Variants in PITHD1 observed in about 807,000 individuals in gnomAD.
The protein encoded by PITHD1 is PITH domain containing 1, also known as PITH domain-containing protein 1.
A neutral mutation model predicts 27.5 loss-of-function variants in PITHD1; 8 were observed. The ratio of observed to expected loss-of-function variants is 0.29; its 90% CI spans 0.17 to 0.52. PITHD1 has a LOEUF of 0.52. PITHD1 is among the 20% of genes least tolerant of loss of function. The pLI, the probability that PITHD1 is intolerant of heterozygous loss-of-function variation, is 0.96. For synonymous variants in PITHD1, 118 were observed against 106.8 expected (o/e 1.10, Z -0.64); for missense variants, 233 against 283.9 (o/e 0.82, Z 1.29).
At chr1:23,786,448 C>A in intron 5 of PITHD1, 25 bp downstream of exon 5, 1 of 1,165,646 alleles carries the variant, frequency 8.6e-7, no homozygotes, top group Non-Finnish European at 1.3e-6. Context: ...GAAAGGTTTT[C>A]CCCTCATGTC....
Position 23,779,419 on chromosome 1 carries a change from C to G in PITHD1, c.199-19C>G, listed in dbSNP as rs376621821. 4.4e-6 allele frequency: 7 copies of G among 1,602,036 alleles called. No individual in the cohort carries two copies. The Admixed American group carries it at 6.7e-5, about 15-fold the overall frequency. ...CAAATATTTGTTGCTTTCTCCTCCCCCCTCCCCATCCCCTCCAGTTTGTTG... is the reference window on the plus strand; with the variant it reads ...CAAATATTTGTTGCTTTCTCCTCCCGCCTCCCCATCCCCTCCAGTTTGTTG... On this transcript the variant is annotated intron_variant, in intron 1 of 5. Transcript: ENST00000246151.
intron 3 of PITHD1, among the ~76,000 whole-genome samples, chr1:23,783,008 T>C (rs1638624969): frequency 6.6e-6 from 1 of 151,958 alleles, no homozygotes; most frequent in Non-Finnish European, 1.5e-5. Flanking sequence ...TATTTTATTT[T>C]ATTTTTGAGA....
At position 23,778,661 on chromosome 1, in the gene PITHD1, G is replaced by A; in HGVS notation, c.146G>A (p.Gly49Asp). The change falls in exon 1 of 6, where the codon GGC (glycine) becomes GAC (aspartate). Residue 49 changes from glycine to aspartate, a missense_variant. Gly to Asp is a moderately conservative substitution (Grantham distance 94). Transcript: ENST00000246151. ...CAATGCCTTAACGAGAGCCGCGAGG[G>A]CAGCGGCCGCGGCGTCTTCAAGCCG... ...RLQCLNESRE[G>D]SGRGVFKPWE... 7.5e-7 allele frequency: 1 copy of A among 1,326,478 alleles called. No homozygotes were observed. 82.2% of individuals were successfully genotyped at this position (1,326,478 alleles called of 1,614,324 possible). A position where few individuals can be genotyped will look rare whatever the true frequency, so the allele number is the denominator to read the frequency against.
chr1:23,783,599 A>G (rs893686207), intron 3 of PITHD1, among the ~76,000 whole-genome samples: 1 of 151,518 alleles, frequency 6.6e-6, no homozygotes, highest in Admixed American at 6.6e-5. Flanking sequence ...TTACAGGTAC[A>G]CACCACCAGG....
chr1:23,778,419 G>T lies in PITHD1; in HGVS notation c.-97G>T. On this transcript the variant is annotated 5_prime_UTR_variant, in exon 1 of 6. Transcript: ENST00000246151. ...CGACGCGGCAGGCGCGGCGCGCTTA[G>T]TTGCCGGAGCTGAACGGCGCGGAGC... is the stretch of plus-strand genomic sequence containing the variant. The T allele has an allele frequency of 1.2e-6, 1 of 808,426 alleles. No individual in the cohort carries two copies. Among genetic ancestry groups the T allele is most frequent in the Non-Finnish European group, 1.6e-6 (1 of 621,418 alleles). 50.1% of individuals were successfully genotyped at this position (808,426 alleles called of 1,614,324 possible). A position where few individuals can be genotyped will look rare whatever the true frequency, so the allele number is the denominator to read the frequency against.
intron 3 of PITHD1, among the ~76,000 whole-genome samples, chr1:23,780,313 T>G (rs1458777110): frequency 3.3e-5 from 5 of 152,206 alleles, no homozygotes; most frequent in Admixed American, 6.5e-5. Context: ...TCCTTGCTAT[T>G]TCATACAGTA....
Position 23,778,552 on chromosome 1 carries a change from C to G in PITHD1, c.37C>G (p.Arg13Gly). ...HGHSHGGGGC[R>G]CAAEREEPPE... ...TCACAGCCACGGCGGGGGTGGCTGC[C>G]GCTGCGCCGCCGAACGGGAGGAGCC... The change falls in exon 1 of 6, where the codon CGC becomes GGC. Residue 13 changes from arginine to glycine, a missense_variant. Transcript: ENST00000246151. 1 of 1,340,480 alleles carries G rather than the reference C, an allele frequency of 7.5e-7. No individual in the cohort carries two copies. Among genetic ancestry groups the G allele is most frequent in the South Asian group, 1.9e-5 (1 of 52,512 alleles). 83.0% of individuals were successfully genotyped at this position (1,340,480 alleles called of 1,614,324 possible).
intron 3 of PITHD1, among the ~76,000 whole-genome samples, chr1:23,783,292 T>A (rs1638629576): frequency 6.6e-6 from 1 of 150,788 alleles, no homozygotes; most frequent in East Asian, 1.9e-4. Context: ...TGTGTATATA[T>A]ATATGTATAT....
chr1:23,781,214 G>T (rs539728093), intron 3 of PITHD1, among the ~76,000 whole-genome samples: 11 of 152,184 alleles, frequency 7.2e-5, no homozygotes, highest in African/African-American at 2.6e-4. Context: ...TCAAATCCCA[G>T]CACTTTGGGA....
intron 3 of PITHD1, among the ~76,000 whole-genome samples, chr1:23,784,435 T>A (rs1466451693): frequency 1.3e-5 from 2 of 151,658 alleles, no homozygotes; most frequent in Non-Finnish European, 2.9e-5. Context: ...AGAGACGGGG[T>A]TTCACCGTGT....
Position 23,786,568 on chromosome 1 carries a change from C to T in PITHD1, c.534+145C>T, listed in dbSNP as rs139867636. The T allele has an allele frequency of 3.0e-3, 943 of 317,460 alleles. 8 individuals carry two copies. The highest frequency in any genetic ancestry group is 0.018 in the African/African-American group (824 of 45,742). The allele number at this position is 317,460 out of a possible 1,614,324, so 19.7% of individuals were successfully genotyped here. A position where few individuals can be genotyped will look rare whatever the true frequency, so the allele number is the denominator to read the frequency against. Reference sequence around the variant, plus strand: ...CTTGGTTTTATCAGTATAAACTTTTCGTCTCATTTGAGAAACTACAGGTAT... The same window carrying T: ...CTTGGTTTTATCAGTATAAACTTTTTGTCTCATTTGAGAAACTACAGGTAT... On this transcript the variant is annotated intron_variant, in intron 5 of 5. Coordinates refer to ENST00000246151, the MANE Select transcript of PITHD1 (RefSeq NM_020362.5).
intron 3 of PITHD1, among the ~76,000 whole-genome samples, chr1:23,782,052 A>T (rs1218042127): frequency 1.3e-5 from 2 of 152,260 alleles, no homozygotes; most frequent in Non-Finnish European, 2.9e-5. Flanking sequence ...TCATTGACAC[A>T]TCCAGAAAAA....
At chr1:23,779,795 C>T in intron 2 of PITHD1, 69 bp from the exon 3 acceptor site, 3 of 1,165,488 alleles carry the variant, frequency 2.6e-6, no homozygotes, top group Middle Eastern at 1.9e-4. Flanking sequence ...AAGGGTCTTG[C>T]CCAGGGTCAC....
chr1:23,783,329 ACATATATGTGTATATATACATATATACG>A (rs1557467046), intron 3 of PITHD1, among the ~76,000 whole-genome samples: 4 of 149,786 alleles, frequency 2.7e-5, no homozygotes, highest in Non-Finnish European at 5.9e-5. Flanking sequence ...ATATATATAC[ACATATATGTGTATATATACATATATACG>A]CATATATATA....
Position 23,779,809 on chromosome 1 carries a change from A to G in PITHD1, c.243-55A>G, listed in dbSNP as rs906140383. ...GAAGGGTCTTGCCCAGGGTCACACAACTAAACAGGTATTCAAACTCAGGTT... is the reference window on the plus strand; with the variant it reads ...GAAGGGTCTTGCCCAGGGTCACACAGCTAAACAGGTATTCAAACTCAGGTT... On this transcript the variant is annotated intron_variant, in intron 2 of 5. Transcript: ENST00000246151. The G allele has an allele frequency of 2.6e-5, 35 of 1,334,430 alleles. No individual in the cohort carries two copies. The African/African-American group carries it at 4.0e-4, about 15-fold the overall frequency. The allele number at this position is 1,334,430 out of a possible 1,614,324, so 82.7% of individuals were successfully genotyped here. A position where few individuals can be genotyped will look rare whatever the true frequency, so the allele number is the denominator to read the frequency against.
chr1:23,783,326 TAC>T (rs1386280680), intron 3 of PITHD1, among the ~76,000 whole-genome samples: 1 of 149,808 alleles, frequency 6.7e-6, no homozygotes, highest in African/African-American at 2.5e-5. Context: ...CATATATATA[TAC>T]ACATATATGT....
intron 3 of PITHD1, among the ~76,000 whole-genome samples, chr1:23,782,501 G>T (rs140973880): frequency 6.6e-6 from 1 of 151,974 alleles, no homozygotes; most frequent in African/African-American, 2.4e-5. Flanking sequence ...AGGCCGAGGC[G>T]AAAGGATCAC....
chr1:23,783,666 G>A (rs1261498043), intron 3 of PITHD1, among the ~76,000 whole-genome samples: 1 of 151,626 alleles, frequency 6.6e-6, no homozygotes, highest in Non-Finnish European at 1.5e-5. Context: ...TGTTGACCAG[G>A]CAGCTCTCGA....
chr1:23,783,358 C>CATATATATATACACATATATGTGTATAT (rs1358839795), intron 3 of PITHD1, among the ~76,000 whole-genome samples: 2 of 145,596 alleles, frequency 1.4e-5, no homozygotes, highest in South Asian at 2.2e-4. Flanking sequence ...CATATATACG[C>CATATATATATACACATATATGTGTATAT]ATATATATAT....
Sources: allele counts gnomAD v4.1 joint callset (sites outside exome capture counted in the v4.1 genomes callset), GRCh38; gene constraint gnomAD v4.1.1; transcripts MANE v1.5; gene names NCBI Gene and HGNC (gene_info 2026-07-23, HGNC 2026-07-21).